Variants in PDE6A observed in about 807,000 individuals in gnomAD.
The protein encoded by PDE6A is rod cGMP-specific 3',5'-cyclic phosphodiesterase subunit alpha.
In PDE6A, 84 loss-of-function variants were observed where a neutral mutation model predicts 106.3. That is an observed-to-expected ratio of 0.79 (90% CI 0.66 to 0.95). The LOEUF is 0.95. PDE6A is among the 40% of genes least tolerant of loss of function. The pLI, the probability that PDE6A is intolerant of heterozygous loss-of-function variation, is 0.00. For synonymous variants in PDE6A, 394 were observed against 386.6 expected, an observed-to-expected ratio of 1.02 and a Z score of -0.23; for missense variants, 1,052 against 1,084.9, an observed-to-expected ratio of 0.97 and a Z score of 0.43.
intron 13 of PDE6A, among the ~76,000 whole-genome samples, chr5:149,891,048 G>A (rs545417501): frequency 4.5e-4 from 69 of 152,272 alleles, no homozygotes; most frequent in African/African-American, 1.7e-3. Flanking sequence ...AAGGAGTCCC[G>A]ATGGCCTCCT....
At chr5:149,873,160 C>T (rs1760620785) in intron 17 of PDE6A, among the ~76,000 whole-genome samples, 1 of 152,124 alleles carries the variant, frequency 6.6e-6, no homozygotes, top group African/African-American at 2.4e-5. Context: ...CCAACACAAT[C>T]ATAAAATATA....
At chr5:149,928,229 A>ATT (rs1450276110) in intron 4 of PDE6A, among the ~76,000 whole-genome samples, 9 of 25,456 alleles carry the variant, frequency 3.5e-4, no homozygotes, top group East Asian at 1.9e-3. Context: ...ATATATATAT[A>ATT]TATTTTTTTT....
chr5:149,922,782 G>A (rs1322959220), intron 4 of PDE6A, among the ~76,000 whole-genome samples: 2 of 152,192 alleles, frequency 1.3e-5, no homozygotes. Context: ...CTATATCTGG[G>A]ATCCAATAAG....
intron 1 of PDE6A, among the ~76,000 whole-genome samples, chr5:149,942,504 C>T (rs1207363882): frequency 6.6e-6 from 1 of 152,058 alleles, no homozygotes; most frequent in East Asian, 1.9e-4. Flanking sequence ...TGAGAAATAC[C>T]TGGGTATTTC....
Position 149,858,669 on chromosome 5 carries a change from G to T in PDE6A, c.*2226C>A, listed in dbSNP as rs1760017269. 6.6e-6 allele frequency: 1 copy of T among 152,202 alleles called. No individual in the cohort carries two copies. Among genetic ancestry groups the T allele is most frequent in the Non-Finnish European group, 1.5e-5 (1 of 68,118 alleles). 9.4% of individuals were successfully genotyped at this position (152,202 alleles called of 1,614,324 possible). ...GTGGTGCATGCCTGTGGTCACCGCT[G>T]CTTGGTAAGCTGAGATGGAGGATTG... On this transcript the variant is annotated 3_prime_UTR_variant, in exon 22 of 22. Coordinates refer to ENST00000255266, the MANE Select transcript of PDE6A (RefSeq NM_000440.3).
intron 14 of PDE6A, 138 bp downstream of exon 14, chr5:149,886,127 C>A (rs1308989423): frequency 2.8e-6 from 2 of 710,624 alleles, no homozygotes; most frequent in Non-Finnish European, 5.1e-6. Context: ...CAGGAGGAGA[C>A]CCGGATCCCA....
chr5:149,918,591 AT>A (rs1007346538), intron 5 of PDE6A, among the ~76,000 whole-genome samples: 3 of 151,870 alleles, frequency 2.0e-5, no homozygotes, highest in African/African-American at 7.3e-5. Context: ...CTTTTTTTAT[AT>A]TTTTTATTTT....
At position 149,928,569 on chromosome 5, in the gene PDE6A, C is replaced by T. The variant is rs191375917; in HGVS notation, c.858+2459G>A. On this transcript the variant is annotated intron_variant, in intron 4 of 21. Transcript: ENST00000255266. Reference sequence around the variant, plus strand: ...CTATACTTTTATGCAACTGGCAGTGCGGTAGGTTTTTCTTATACCAGCATC... The same window carrying T: ...CTATACTTTTATGCAACTGGCAGTGTGGTAGGTTTTTCTTATACCAGCATC... Among the ~76,000 whole-genome samples, 203 of 152,158 alleles carry T rather than the reference C, an allele frequency of 1.3e-3. 2 individuals are homozygous for T. The highest frequency in any genetic ancestry group is 4.6e-3 in the African/African-American group (189 of 41,514).
chr5:149,900,986 G>C (rs1301562367), intron 8 of PDE6A, among the ~76,000 whole-genome samples: 1 of 152,096 alleles, frequency 6.6e-6, no homozygotes, highest in Non-Finnish European at 1.5e-5. Context: ...CACTATCTCG[G>C]CTCATTGCAA....
intron 13 of PDE6A, among the ~76,000 whole-genome samples, chr5:149,891,583 C>T (rs1371512140): frequency 4.6e-5 from 7 of 152,170 alleles, no homozygotes; most frequent in Non-Finnish European, 1.0e-4. Context: ...AGGAGGATCA[C>T]TTGAGCCCAA....
At position 149,944,571 on chromosome 5, in the gene PDE6A, C is replaced by T. The variant is rs374847529; in HGVS notation, c.103G>A (p.Asp35Asn). 8.0e-5 allele frequency: 129 copies of T among 1,613,880 alleles called. 1 individual carries two copies. In the Middle Eastern group the frequency reaches 2.1e-3, roughly 27 times the overall value. Residue 35 changes from aspartate to asparagine, a missense_variant, in exon 1 of 22, where the codon GAC becomes AAC. Asp to Asn is a conservative substitution (Grantham distance 23). This residue lies in a region of PDE6A where 913 missense variants were observed against 915.2 expected (regional missense o/e 1.00). Coordinates refer to ENST00000255266, the MANE Select transcript of PDE6A (RefSeq NM_000440.3). The stretch of plus-strand genomic sequence containing the variant: ...GCAGCCTCCTTGGCCCCAAGGAGGT[C>T]GGAGATGAGCTTGGCCCGGTAGTGG... ...NLHYRAKLIS[D>N]LLGAKEAAVD...
At chr5:149,943,134 C>T (rs1216013236) in intron 1 of PDE6A, among the ~76,000 whole-genome samples, 2 of 152,068 alleles carry the variant, frequency 1.3e-5, no homozygotes, top group Non-Finnish European at 2.9e-5. Context: ...TGGACCATAC[C>T]CAGGGTTTCT....
chr5:149,933,731 G>T (rs1754107494), intron 3 of PDE6A, among the ~76,000 whole-genome samples, 199 bp downstream of exon 3: 1 of 152,212 alleles, frequency 6.6e-6, no homozygotes. Context: ...TCAGATCAAA[G>T]CCATCTGTCT....
chr5:149,932,394 G>A, intron 3 of PDE6A: 2 of 1,363,896 alleles, frequency 1.5e-6, no homozygotes, highest in East Asian at 2.3e-5. Flanking sequence ...AAGTACACGA[G>A]GTGCTGTTTT....
At chr5:149,906,095 T>C (rs548275876) in intron 7 of PDE6A, among the ~76,000 whole-genome samples, 2 of 151,930 alleles carry the variant, frequency 1.3e-5, no homozygotes, top group African/African-American at 4.8e-5. Flanking sequence ...TGGGCTCAAG[T>C]GATCCTCCTG....
rs1162006697 is a variant in PDE6A at position 149,915,582 on chromosome 5, G to A, written c.934-575C>T. 2.6e-5 allele frequency among the ~76,000 whole-genome samples: 4 copies of A among 152,148 alleles called. No individual in the cohort carries two copies. The East Asian group carries it at 5.8e-4, about 22-fold the overall frequency. On this transcript the variant is annotated intron_variant, in intron 5 of 21. Coordinates refer to ENST00000255266, the MANE Select transcript of PDE6A (RefSeq NM_000440.3). Reference sequence around the variant, plus strand: ...GAATTCAGCGTGCTTCACCTTGGAGGCAGCTCACAGTGATCAGGAAGAGGG... The same window carrying A: ...GAATTCAGCGTGCTTCACCTTGGAGACAGCTCACAGTGATCAGGAAGAGGG...
rs1760106548 is a variant in PDE6A, at chr5:149,860,780, C to T, written c.*115G>A. On this transcript the variant is annotated 3_prime_UTR_variant, in exon 22 of 22. Transcript: ENST00000255266. The stretch of plus-strand genomic sequence containing the variant: ...CAGTCCTGGAAGCTAAATTCTCTAA[C>T]AGCTTTCAAATCCTATGACTCTTCT... 1.2e-6 allele frequency: 1 copy of T among 855,844 alleles called. No individual in the cohort carries two copies. Among genetic ancestry groups the T allele is most frequent in the Non-Finnish European group, 1.9e-6 (1 of 528,664 alleles). The allele number at this position is 855,844 out of a possible 1,614,324, so 53.0% of individuals were successfully genotyped here.
At position 149,876,571 on chromosome 5, in the gene PDE6A, C is replaced by A. The variant is rs1030497748; in HGVS notation, c.2135+6858G>T. ...CGGCTGGAGTGTGGTGGTTCCATAC[C>A]GGCTCACTGCAAACTCCGCCTCCCC... On this transcript the variant is annotated intron_variant, in intron 17 of 21. Transcript: ENST00000255266. Among the ~76,000 whole-genome samples, 3 of 152,076 alleles carry A rather than the reference C, an allele frequency of 2.0e-5. No individual in the cohort carries two copies. The East Asian group carries it at 5.8e-4, about 29-fold the overall frequency.
rs1201830789 is a variant in PDE6A at position 149,859,449 on chromosome 5, G to A, written c.*1446C>T. The A allele has an allele frequency of 6.6e-6, 1 of 152,268 alleles. No individual in the cohort carries two copies. Among genetic ancestry groups the A allele is most frequent in the Non-Finnish European group, 1.5e-5 (1 of 68,074 alleles). 9.4% of individuals were successfully genotyped at this position (152,268 alleles called of 1,614,324 possible). A position where few individuals can be genotyped will look rare whatever the true frequency, so the allele number is the denominator to read the frequency against. On this transcript the variant is annotated 3_prime_UTR_variant, in exon 22 of 22. Coordinates refer to ENST00000255266, the MANE Select transcript of PDE6A (RefSeq NM_000440.3). ...TAGTCTGCAGGATGCTTATTAAGCAGTGCCCTGGGGACCGATGCTTGGGGA... is the reference window on the plus strand; with the variant it reads ...TAGTCTGCAGGATGCTTATTAAGCAATGCCCTGGGGACCGATGCTTGGGGA...
Sources: allele counts gnomAD v4.1 joint callset (sites outside exome capture counted in the v4.1 genomes callset), GRCh38; gene constraint gnomAD v4.1.1; regional missense constraint gnomAD v4.1.1; transcripts MANE v1.5; gene names NCBI Gene and HGNC (gene_info 2026-07-23, HGNC 2026-07-21).